TBC1D9: variants seen among roughly 807,000 people sequenced by gnomAD.
TBC1D9 encodes TBC1 domain family member 9A.
Under a neutral mutation model 132.0 loss-of-function variants are expected in TBC1D9, and 63 were observed. The ratio of observed to expected loss-of-function variants is 0.48; its 90% confidence interval spans 0.39 to 0.59. The LOEUF is 0.59. Among genes scored for constraint, TBC1D9 ranks in the 20% least tolerant of loss-of-function variants. TBC1D9 has a pLI of 0.00. For synonymous variants in TBC1D9, 610 were observed against 609.9 expected (o/e 1.00, Z 0.00); for missense variants, 1,261 against 1,592.7 (o/e 0.79, Z 3.54).
intron 1 of TBC1D9, 25 bp downstream of exon 1, chr4:140,755,891 T>G: frequency 6.6e-7 from 1 of 1,525,340 alleles, no homozygotes; most frequent in Non-Finnish European, 8.8e-7. Context: ...GCTCCCCTCC[T>G]GCAGGGATCG....
chr4:140,694,353 T>C (rs949385558), intron 2 of TBC1D9, among the ~76,000 whole-genome samples: 3 of 152,144 alleles, frequency 2.0e-5, no homozygotes, highest in African/African-American at 7.2e-5. Context: ...GGTGAATCAC[T>C]TGAGGTCAGG....
rs1000476510 is a variant in TBC1D9 at position 140,721,466 on chromosome 4, T to C, written c.131-19852A>G. Among the ~76,000 whole-genome samples the C allele has an allele frequency of 7.2e-5, 11 of 152,128 alleles. 1 individual carries two copies. The highest frequency in any genetic ancestry group is 2.4e-4 in the African/African-American group (10 of 41,426). On this transcript the variant is annotated intron_variant, in intron 1 of 20. Transcript: ENST00000442267. ...AGCTACTAAGTGGCAGCTCCAGTCA[T>C]TGGGCCAGGGCGGCTGGACTCCAGA...
At chr4:140,735,837 T>TGAC (rs1457363724) in intron 1 of TBC1D9, among the ~76,000 whole-genome samples, 1 of 152,168 alleles carries the variant, frequency 6.6e-6, no homozygotes, top group Non-Finnish European at 1.5e-5. Context: ...CAAACTGAAA[T>TGAC]GACAACAACA....
chr4:140,689,340 A>C (rs1373033847), intron 2 of TBC1D9, among the ~76,000 whole-genome samples: 2 of 151,978 alleles, frequency 1.3e-5, no homozygotes, highest in African/African-American at 4.8e-5. Flanking sequence ...CCCATCAGCC[A>C]TAAGACCTAT....
intron 11 of TBC1D9, chr4:140,659,277 AT>A (rs1737322084): frequency 5.2e-6 from 1 of 192,018 alleles, no homozygotes; most frequent in South Asian, 1.9e-4. Context: ...AATTTTTTTT[AT>A]CAAATCTCTT....
At chr4:140,631,963 C>T (rs1736801824) in intron 16 of TBC1D9, among the ~76,000 whole-genome samples, 1 of 152,162 alleles carries the variant, frequency 6.6e-6, no homozygotes. Flanking sequence ...ATCTCCATAA[C>T]TATAACTGAC....
intron 9 of TBC1D9, among the ~76,000 whole-genome samples, chr4:140,668,646 C>G (rs1045936321): frequency 6.6e-6 from 1 of 152,154 alleles, no homozygotes. Flanking sequence ...CTCTTTTATT[C>G]CTAAATAGCC....
chr4:140,636,460 C>T (rs1162010633), intron 15 of TBC1D9, among the ~76,000 whole-genome samples: 1 of 152,138 alleles, frequency 6.6e-6, no homozygotes, highest in East Asian at 1.9e-4. Flanking sequence ...TGGTGTGATC[C>T]TGGCTCACTG....
At chr4:140,687,327 G>A (rs1374388481) in intron 2 of TBC1D9, among the ~76,000 whole-genome samples, 2 of 119,434 alleles carry the variant, frequency 1.7e-5, no homozygotes, top group East Asian at 2.7e-4. Context: ...ATATATGTGT[G>A]TGTGTGTGTG....
Position 140,669,767 on chromosome 4 carries a change from G to A in TBC1D9, c.1304C>T (p.Pro435Leu). ...SRPSSLVSSS[P>L]QRSTSSDADG... is the part of the protein sequence containing the mutation. ...AGCATCAGAGCTCGTGCTTCTCTGG[G>A]GGCTGGAGGAGACGAGGCTGCTGGG... The change falls in exon 8 of 21, where the codon CCC becomes CTC. Residue 435 changes from proline (P) to leucine (L), a missense_variant. Coordinates refer to ENST00000442267, the MANE Select transcript of TBC1D9 (RefSeq NM_015130.3). The A allele has an allele frequency of 6.2e-7, 1 of 1,613,948 alleles. No individual in the cohort carries two copies. The highest frequency in any genetic ancestry group is 8.5e-7 in the Non-Finnish European group (1 of 1,179,848).
chr4:140,657,159 T>C lies in TBC1D9; in HGVS notation c.2275A>G (p.Ser759Gly). 1.2e-6 allele frequency: 2 copies of C among 1,613,942 alleles called. No homozygotes were observed. The highest frequency in any genetic ancestry group is 2.2e-5 in the East Asian group (1 of 44,872). Residue 759 changes from serine (S) to glycine (G), a missense_variant, in exon 13 of 21, where the codon AGC becomes GGC. Ser to Gly is a moderately conservative substitution (Grantham distance 56). Around this residue, in one of 3 missense-constraint regions of TBC1D9, gnomAD observed 618 missense variants for 724.4 expected, o/e 0.85. Coordinates refer to ENST00000442267, the MANE Select transcript of TBC1D9 (RefSeq NM_015130.3). The stretch of plus-strand genomic sequence containing the variant: ...TCAGGGTAAGGTTCCACATCATCGC[T>C]GAGCAAGGAGTGGAGGTGAGGAATG... The part of the protein sequence containing the change: ...PPIPHLHSLL[S>G]DDVEPYPEVD...
At chr4:140,654,952 T>TA (rs1174715456) in intron 13 of TBC1D9, among the ~76,000 whole-genome samples, 2 of 152,138 alleles carry the variant, frequency 1.3e-5, no homozygotes, top group African/African-American at 4.8e-5. Flanking sequence ...GAAATCGAAG[T>TA]AAATGTCTAA....
At chr4:140,639,475 CACA>C in intron 13 of TBC1D9, 47 bp from the exon 14 acceptor site, 4 of 1,334,418 alleles carry the variant, frequency 3.0e-6, no homozygotes, top group South Asian at 1.2e-5. Flanking sequence ...TCTTACAGCA[CACA>C]ATGTCCTGTC....
intron 3 of TBC1D9, among the ~76,000 whole-genome samples, chr4:140,683,012 G>A (rs951952496): frequency 1.5e-4 from 23 of 151,920 alleles, no homozygotes; most frequent in Admixed American, 1.1e-3. Flanking sequence ...TCAGCTTCCC[G>A]AGTAGCTGGG....
chr4:140,636,648 C>T (rs992457058), intron 15 of TBC1D9, among the ~76,000 whole-genome samples: 1 of 152,146 alleles, frequency 6.6e-6, no homozygotes, highest in Non-Finnish European at 1.5e-5. Context: ...ACCTCAGCTT[C>T]CCAAGTACCT....
chr4:140,743,260 A>C (rs1738787950), intron 1 of TBC1D9, among the ~76,000 whole-genome samples: 2 of 152,210 alleles, frequency 1.3e-5, no homozygotes, highest in Admixed American at 6.5e-5. Context: ...GCTGTGAATT[A>C]GAGCCAGTTG....
chr4:140,718,380 G>A (rs919869234), intron 1 of TBC1D9, among the ~76,000 whole-genome samples: 1 of 152,026 alleles, frequency 6.6e-6, no homozygotes, highest in African/African-American at 2.4e-5. Flanking sequence ...AAAAGTGTGA[G>A]GATCTCTGGT....
At chr4:140,656,874 C>T (rs1737279560) in intron 13 of TBC1D9, among the ~76,000 whole-genome samples, 1 of 152,168 alleles carries the variant, frequency 6.6e-6, no homozygotes, top group Non-Finnish European at 1.5e-5. Flanking sequence ...TGGTATTTCT[C>T]CCCTCCGGAG....
At chr4:140,737,008 G>T (rs186919692) in intron 1 of TBC1D9, among the ~76,000 whole-genome samples, 22 of 152,282 alleles carry the variant, frequency 1.4e-4, no homozygotes, top group African/African-American at 5.3e-4. Flanking sequence ...CAAGGGTGTG[G>T]GGGCAGCAGG....
Sources: gnomAD v4.1 joint callset for allele counts (sites outside exome capture counted in the v4.1 genomes callset) on GRCh38, gnomAD v4.1.1 for gene constraint, gnomAD v4.1.1 regional missense constraint, MANE v1.5 for transcripts, NCBI Gene and HGNC (gene_info 2026-07-23, HGNC 2026-07-21) for gene names.